Variants in DISC1 observed in about 807,000 individuals in gnomAD.
DISC1 encodes DISC1 scaffold protein, also known as disrupted in schizophrenia 1 protein.
In DISC1, 57 loss-of-function variants were observed where a neutral mutation model predicts 84.5. That is an observed-to-expected ratio of 0.67 (90% CI 0.55 to 0.84). The LOEUF (loss-of-function observed/expected upper bound fraction) is 0.84. DISC1 is among the 40% of genes least tolerant of loss of function. The pLI is 0.00. For missense variants in DISC1, 1,000 were observed against 1,057.8 expected, an observed-to-expected ratio of 0.95 and a Z score of 0.76; for synonymous variants, 411 against 415.2, an observed-to-expected ratio of 0.99 and a Z score of 0.12.
At chr1:231,867,722 A>C (rs74897845) in intron 9 of DISC1, among the ~76,000 whole-genome samples, 445 of 152,320 alleles carry the variant, frequency 2.9e-3, no homozygotes, top group African/African-American at 0.01. Flanking sequence ...CTTCCCATAC[A>C]GTTAGATTTG....
At chr1:231,669,735 G>A (rs892045462) in intron 1 of DISC1, among the ~76,000 whole-genome samples, 3 of 152,024 alleles carry the variant, frequency 2.0e-5, no homozygotes, top group South Asian at 2.1e-4. Context: ...AGATACTGGC[G>A]AGGTTGTGGA....
Position 231,966,998 on chromosome 1 carries a change from A to G in DISC1, c.2042+8110A>G, listed in dbSNP as rs1001164478. Among the ~76,000 whole-genome samples, 9 of 152,222 alleles carry G rather than the reference A, an allele frequency of 5.9e-5. No individual in the cohort carries two copies. The East Asian group carries it at 7.7e-4, about 13-fold the overall frequency. On this transcript the variant is annotated intron_variant, in intron 10 of 12. Transcript: ENST00000439617. ...TTTAGAAGGAACTGTCAAGAACTCAATGGTCTTATCTGAAATTTGCTTTGA... is the reference window on the plus strand; with the variant it reads ...TTTAGAAGGAACTGTCAAGAACTCAGTGGTCTTATCTGAAATTTGCTTTGA...
intron 10 of DISC1, among the ~76,000 whole-genome samples, chr1:231,990,803 C>A (rs1380799520): frequency 6.6e-6 from 1 of 152,208 alleles, no homozygotes; most frequent in Non-Finnish European, 1.5e-5. Context: ...AGAGGCTGAC[C>A]ATTGCTGGGA....
intron 9 of DISC1, among the ~76,000 whole-genome samples, chr1:231,851,961 G>A (rs1357056832): frequency 6.6e-6 from 1 of 152,182 alleles, no homozygotes; most frequent in African/African-American, 2.4e-5. Flanking sequence ...TCTCCTTCAT[G>A]GGAGAGGGTG....
intron 10 of DISC1, among the ~76,000 whole-genome samples, chr1:232,002,207 CA>C (rs141064716): frequency 8.0e-5 from 12 of 150,806 alleles, no homozygotes; most frequent in South Asian, 4.2e-4. Flanking sequence ...ATGGCAAAAA[CA>C]AAAAAAAATT....
chr1:231,830,236 T>A (rs2082129743), intron 9 of DISC1, among the ~76,000 whole-genome samples: 1 of 151,772 alleles, frequency 6.6e-6, no homozygotes, highest in Non-Finnish European at 1.5e-5. Flanking sequence ...GAACCTAGAG[T>A]GGGAGATATT....
intron 9 of DISC1, among the ~76,000 whole-genome samples, chr1:231,844,624 G>A (rs909794680): frequency 6.6e-6 from 1 of 152,090 alleles, no homozygotes; most frequent in Non-Finnish European, 1.5e-5. Context: ...GTTATAGGAA[G>A]GTTTAAAAAT....
In DISC1 at chr1:231,965,170, A is replaced by G. The variant is rs374843161; in HGVS notation, c.2042+6282A>G. Among the ~76,000 whole-genome samples, 102 of 152,390 alleles carry G rather than the reference A, an allele frequency of 6.7e-4. 2 individuals are homozygous for G. The highest frequency in any genetic ancestry group is 2.4e-3 in the African/African-American group (98 of 41,604). ...GATGCTGGCAGTGGTTCAAAAGCACATCTTGCATAACTCAAAGCAAAAAGT... is the reference window on the plus strand; with the variant it reads ...GATGCTGGCAGTGGTTCAAAAGCACGTCTTGCATAACTCAAAGCAAAAAGT... On this transcript the variant is annotated intron_variant, in intron 10 of 12. Transcript: ENST00000439617.
Position 231,949,328 on chromosome 1 carries a change from A to T in DISC1, c.1982-9500A>T, listed in dbSNP as rs78808936. Among the ~76,000 whole-genome samples, 646 of 152,310 alleles carry T rather than the reference A, an allele frequency of 4.2e-3. 2 individuals are homozygous for T. Among genetic ancestry groups the T allele is most frequent in the African/African-American group, 0.015 (613 of 41,570 alleles). ...CTATGTTTATAAGCAAAAGGTGCCC[A>T]GTCAGGCATAGTGAGGCCACTTGGG... On this transcript the variant is annotated intron_variant, in intron 9 of 12. Coordinates refer to ENST00000439617, the MANE Select transcript of DISC1 (RefSeq NM_018662.3).
intron 9 of DISC1, among the ~76,000 whole-genome samples, chr1:231,944,735 T>C (rs1017193712): frequency 8.5e-5 from 13 of 152,062 alleles, no homozygotes; most frequent in African/African-American, 3.1e-4. Context: ...CTGTGCACAC[T>C]CAGAAGCCTA....
chr1:231,743,305 T>C (rs1164946337), intron 3 of DISC1, among the ~76,000 whole-genome samples: 1 of 152,200 alleles, frequency 6.6e-6, no homozygotes, highest in East Asian at 1.9e-4. Flanking sequence ...GAAGGCCTTA[T>C]GATGTAGATA....
chr1:231,989,982 A>G (rs1479677980), intron 10 of DISC1, among the ~76,000 whole-genome samples: 2 of 152,096 alleles, frequency 1.3e-5, no homozygotes, highest in African/African-American at 2.4e-5. Flanking sequence ...TGCTTCTGGG[A>G]TAAAACTTGC....
chr1:231,898,984 A>G (rs145010696), intron 9 of DISC1, among the ~76,000 whole-genome samples: 1,704 of 144,778 alleles, frequency 0.012, 10 homozygotes, highest in Middle Eastern at 0.025. Context: ...CACAAAAAAC[A>G]AAAAAAAAAG....
rs2082034970 is a variant in DISC1, at chr1:231,828,819, T to G, written c.1981+10302T>G. Among the ~76,000 whole-genome samples, 3 of 152,130 alleles carry G rather than the reference T, an allele frequency of 2.0e-5. No homozygotes were observed. In the South Asian group the frequency reaches 6.2e-4, roughly 32 times the overall value. On this transcript the variant is annotated intron_variant, in intron 9 of 12. Coordinates refer to ENST00000439617, the MANE Select transcript of DISC1 (RefSeq NM_018662.3). ...GACAATAGTGAGAGCATGGCACCAG[T>G]TAATCCTCGTAACTGTAGTTTGAGA...
intron 1 of DISC1, among the ~76,000 whole-genome samples, chr1:231,655,032 A>C (rs562190419): frequency 6.6e-6 from 1 of 152,292 alleles, no homozygotes; most frequent in South Asian, 2.1e-4. Context: ...AAGGCTTTAC[A>C]CTCAGAAGTT....
chr1:231,742,649 T>A (rs2073446424), intron 3 of DISC1, among the ~76,000 whole-genome samples: 1 of 152,172 alleles, frequency 6.6e-6, no homozygotes, highest in East Asian at 1.9e-4. Context: ...GGCACATACC[T>A]GTAGTCCAAG....
chr1:231,923,306 C>CAAA (rs1558738260), intron 9 of DISC1, among the ~76,000 whole-genome samples: 5 of 109,440 alleles, frequency 4.6e-5, no homozygotes, highest in Admixed American at 9.3e-5. Flanking sequence ...ACAAAAAAAA[C>CAAA]CAAAAAAAAA....
intron 3 of DISC1, among the ~76,000 whole-genome samples, chr1:231,733,866 G>A (rs1396902525): frequency 6.6e-6 from 1 of 151,488 alleles, no homozygotes; most frequent in Non-Finnish European, 1.5e-5. Flanking sequence ...TAGGGGTGGT[G>A]GTGACAGTTG....
At chr1:231,690,320 C>T (rs1037441255) in intron 1 of DISC1, among the ~76,000 whole-genome samples, 7 of 152,170 alleles carry the variant, frequency 4.6e-5, no homozygotes, top group African/African-American at 4.8e-5. Flanking sequence ...GAGAAAGCTG[C>T]GCCAGGCTCC....
Sources: allele counts gnomAD v4.1 joint callset (sites outside exome capture counted in the v4.1 genomes callset), GRCh38; gene constraint gnomAD v4.1.1; transcripts MANE v1.5; gene names NCBI Gene and HGNC (gene_info 2026-07-23, HGNC 2026-07-21).